ENOX2: variants seen among roughly 807,000 people sequenced by gnomAD.
ENOX2 encodes the protein ecto-NOX disulfide-thiol exchanger 2.
ENOX2 carries 36 observed loss-of-function variants against 45.0 expected under a neutral mutation model. That is an observed-to-expected ratio of 0.80 (90% CI 0.61 to 1.06). The LOEUF is 1.06. Ranked by LOEUF, ENOX2 falls within the 50% of genes least tolerant of loss-of-function variation. ENOX2 has a pLI of 0.00. For missense variants in ENOX2, 423 were observed against 462.5 expected (o/e 0.91, Z 0.78); for synonymous variants, 174 against 152.3 (o/e 1.14, Z -1.05).
intron 2 of ENOX2, among the ~76,000 whole-genome samples, chrX:130,859,587 C>A (rs1603372484): frequency 9.0e-6 from 1 of 111,701 alleles, no homozygotes; most frequent in East Asian, 2.8e-4. Flanking sequence ...ATGGACTACA[C>A]AAGCAAAGGC....
intron 2 of ENOX2, among the ~76,000 whole-genome samples, chrX:130,784,598 T>C (rs898709024): frequency 6.6e-5 from 7 of 105,398 alleles, no homozygotes; most frequent in African/African-American, 2.4e-4. Flanking sequence ...TTTTTTTTTT[T>C]TTTTTTTGAG....
At chrX:130,700,946 C>G (rs1016469729) in intron 4 of ENOX2, among the ~76,000 whole-genome samples, 2 of 111,487 alleles carry the variant, frequency 1.8e-5, no homozygotes, top group African/African-American at 6.5e-5. Flanking sequence ...GATTCAAGCC[C>G]TCCACCACAC....
At chrX:130,646,249 C>T (rs1569479616) in intron 10 of ENOX2, 1 of 430,754 alleles carries the variant, frequency 2.3e-6, no homozygotes, top group East Asian at 4.8e-5. Flanking sequence ...ATCCCAGAGA[C>T]TGCAGCATGA....
chrX:130,814,278 G>A (rs1427830963), intron 2 of ENOX2, among the ~76,000 whole-genome samples: 1 of 112,248 alleles, frequency 8.9e-6, no homozygotes, highest in Non-Finnish European at 1.9e-5. Flanking sequence ...CATCTCCCCG[G>A]GACAGAGCAC....
At chrX:130,692,146 A>G (rs2148189612) in intron 4 of ENOX2, among the ~76,000 whole-genome samples, 1 of 113,179 alleles carries the variant, frequency 8.8e-6, no homozygotes. Context: ...TCTTTTGTTT[A>G]TCTTTAACCA....
chrX:130,655,155 G>A (rs968750110), intron 10 of ENOX2, among the ~76,000 whole-genome samples: 2 of 111,882 alleles, frequency 1.8e-5, no homozygotes, highest in African/African-American at 6.5e-5. Flanking sequence ...TGTTTATTTT[G>A]GCTATAAGTT....
At chrX:130,687,996 C>A (rs1189573670) in intron 5 of ENOX2, among the ~76,000 whole-genome samples, 2 of 111,858 alleles carry the variant, frequency 1.8e-5, no homozygotes, top group African/African-American at 6.5e-5. Flanking sequence ...TTGATCTATG[C>A]CCTAAACCAC....
intron 10 of ENOX2, among the ~76,000 whole-genome samples, chrX:130,643,240 T>TA (rs1478855229): frequency 3.6e-5 from 4 of 110,494 alleles, no homozygotes; most frequent in African/African-American, 1.3e-4. Flanking sequence ...TATGTTCAAT[T>TA]AAAAATACAA....
At chrX:130,734,473 AG>A (rs1355221286) in intron 3 of ENOX2, among the ~76,000 whole-genome samples, 1 of 111,661 alleles carries the variant, frequency 9.0e-6, no homozygotes, top group Non-Finnish European at 1.9e-5. Context: ...AGTAAAAGAG[AG>A]GGCTGCGAGT....
At chrX:130,881,861 A>T in intron 2 of ENOX2, among the ~76,000 whole-genome samples, 1 of 111,862 alleles carries the variant, frequency 8.9e-6, no homozygotes, top group Non-Finnish European at 1.9e-5. Flanking sequence ...AGCTTCAGAA[A>T]CTCATGCTTC....
chrX:130,669,960 G>C lies in ENOX2; in HGVS notation c.694+5C>G. ...TTAATCATGAAGCTTGAGTGCCTTT[G>C]ATACCTTTTAATTTTTCAGCAACAA... On this transcript the variant is annotated splice_donor_5th_base_variant and intron_variant, in intron 7 of 14. Transcript: ENST00000394363. 1 of 1,173,398 alleles carries C rather than the reference G, an allele frequency of 8.5e-7. No homozygotes were observed. The highest frequency in any genetic ancestry group is 1.2e-6 in the Non-Finnish European group (1 of 860,467).
At chrX:130,880,492 T>C (rs2078790666) in intron 2 of ENOX2, among the ~76,000 whole-genome samples, 1 of 112,090 alleles carries the variant, frequency 8.9e-6, no homozygotes, top group Admixed American at 9.5e-5. Flanking sequence ...ACATTCCATT[T>C]CTGATCAACT....
intron 1 of ENOX2, among the ~76,000 whole-genome samples, 200 bp downstream of exon 1, chrX:130,902,849 G>A (rs2079170170): frequency 9.7e-6 from 1 of 102,598 alleles, no homozygotes; most frequent in African/African-American, 3.6e-5. Context: ...AAGACAGCGC[G>A]CTCCCGGGCT....
In ENOX2 at chrX:130,687,079, G is replaced by A. The variant is rs191876061; in HGVS notation, c.253+1784C>T. Among the ~76,000 whole-genome samples the A allele has an allele frequency of 3.9e-3, 439 of 111,928 alleles. 2 individuals are homozygous for A. Among genetic ancestry groups the A allele is most frequent in the African/African-American group, 0.014 (419 of 30,834 alleles). ...AAATGTATTTGAGAGATGTCAGTCC[G>A]TTTCTTTTACTAGAGGCTATCAAAA... On this transcript the variant is annotated intron_variant, in intron 5 of 14. Transcript: ENST00000394363.
At chrX:130,767,501 G>A (rs2039644726) in intron 3 of ENOX2, among the ~76,000 whole-genome samples, 1 of 111,971 alleles carries the variant, frequency 8.9e-6, no homozygotes, top group Non-Finnish European at 1.9e-5. Flanking sequence ...CTCAATACAT[G>A]TACTGGGTAC....
At chrX:130,683,694 CCTTT>C (rs1398473001) in intron 5 of ENOX2, among the ~76,000 whole-genome samples, 3 of 110,172 alleles carry the variant, frequency 2.7e-5, no homozygotes, top group Admixed American at 9.7e-5. Context: ...ATCGTATTAC[CCTTT>C]TTTTTCACCA....
At chrX:130,628,175 T>C (rs2035601042) in intron 13 of ENOX2, 132 bp from the exon 14 acceptor site, 1 of 481,839 alleles carries the variant, frequency 2.1e-6, no homozygotes, top group African/African-American at 2.3e-5. Context: ...TTTACACGTA[T>C]TTTACTCATT....
At chrX:130,873,613 C>T (rs927592936) in intron 2 of ENOX2, among the ~76,000 whole-genome samples, 7 of 111,571 alleles carry the variant, frequency 6.3e-5, no homozygotes, top group African/African-American at 2.0e-4. Context: ...ATTGTGGCAC[C>T]GTTCACAATA....
At chrX:130,883,069 G>C (rs999529053) in intron 2 of ENOX2, among the ~76,000 whole-genome samples, 1 of 112,350 alleles carries the variant, frequency 8.9e-6, no homozygotes, top group Non-Finnish European at 1.9e-5. Context: ...ATCTGGCACA[G>C]AGCAAGCTTT....
Sources: gnomAD v4.1 joint callset for allele counts (sites outside exome capture counted in the v4.1 genomes callset) on GRCh38, gnomAD v4.1.1 for gene constraint, MANE v1.5 for transcripts, NCBI Gene and HGNC (gene_info 2026-07-23, HGNC 2026-07-21) for gene names.